The following FUT8 variants were observed in gnomAD, a reference collection of about 807,000 sequenced individuals.
The protein encoded by FUT8 is alpha-(1,6)-fucosyltransferase.
In FUT8, 29 loss-of-function variants were observed where a neutral mutation model predicts 71.3. The observed-to-expected ratio is 0.41, with a 90% CI of 0.30 to 0.55. FUT8 has a LOEUF of 0.55. Among genes scored for constraint, FUT8 ranks in the 20% least tolerant of loss-of-function variants. The pLI is 0.34. For synonymous variants in FUT8, 254 were observed against 239.3 expected (o/e 1.06, Z -0.57); for missense variants, 544 against 702.1 (o/e 0.77, Z 2.55).
At chr14:65,476,028 A>G (rs1380243768) in intron 2 of FUT8, among the ~76,000 whole-genome samples, 1 of 152,132 alleles carries the variant, frequency 6.6e-6, no homozygotes, top group Non-Finnish European at 1.5e-5. Flanking sequence ...CTTAGAACCC[A>G]GCAATACTTG....
chr14:65,575,031 C>T (rs918831320), intron 3 of FUT8, among the ~76,000 whole-genome samples: 7 of 151,976 alleles, frequency 4.6e-5, no homozygotes, highest in South Asian at 2.1e-4. Context: ...TTTTCTAATT[C>T]GTATAAAGCG....
At chr14:65,415,369 A>G (rs1445501975) in intron 1 of FUT8, among the ~76,000 whole-genome samples, 1 of 152,208 alleles carries the variant, frequency 6.6e-6, no homozygotes, top group Non-Finnish European at 1.5e-5. Flanking sequence ...TTAGTTTAAA[A>G]AAGTCTTTTC....
chr14:65,588,100 T>G (rs1340725396), intron 3 of FUT8, among the ~76,000 whole-genome samples: 1 of 151,702 alleles, frequency 6.6e-6, no homozygotes, highest in Non-Finnish European at 1.5e-5. Flanking sequence ...ATTTTAGAGT[T>G]TAAGAAAACT....
At chr14:65,463,442 A>T (rs1566762870) in intron 2 of FUT8, among the ~76,000 whole-genome samples, 1 of 151,696 alleles carries the variant, frequency 6.6e-6, no homozygotes, top group African/African-American at 2.4e-5. Flanking sequence ...AATTTTTTGC[A>T]TTTTTTGTAG....
At chr14:65,735,754 T>C (rs1397546372) in intron 10 of FUT8, among the ~76,000 whole-genome samples, 1 of 152,120 alleles carries the variant, frequency 6.6e-6, no homozygotes. Context: ...AATTGTAGAG[T>C]AATTCCATAT....
intron 1 of FUT8, among the ~76,000 whole-genome samples, chr14:65,437,703 T>C (rs1555360803): frequency 6.6e-6 from 1 of 152,220 alleles, no homozygotes; most frequent in Non-Finnish European, 1.5e-5. Context: ...AATTTCTTAA[T>C]GTTTTTTTGT....
At chr14:65,590,639 A>G (rs1887637950) in intron 3 of FUT8, among the ~76,000 whole-genome samples, 1 of 152,216 alleles carries the variant, frequency 6.6e-6, no homozygotes, top group South Asian at 2.1e-4. Context: ...GAATCACAAT[A>G]TAGGGTAATT....
chr14:65,534,119 CT>C (rs369058150), intron 2 of FUT8, among the ~76,000 whole-genome samples: 4 of 150,254 alleles, frequency 2.7e-5, no homozygotes, highest in African/African-American at 4.9e-5. Flanking sequence ...AACAAAGGTA[CT>C]TTTTTTTTGT....
At chr14:65,410,232 G>A (rs955128568), upstream of FUT8, among the ~76,000 whole-genome samples, 4 of 152,196 alleles carry the variant, frequency 2.6e-5, no homozygotes, top group African/African-American at 9.7e-5. Context: ...ACACTGAGAA[G>A]AGGCAGGGTA....
chr14:65,520,488 A>G (rs1158705475), intron 2 of FUT8, among the ~76,000 whole-genome samples: 2 of 152,134 alleles, frequency 1.3e-5, no homozygotes, highest in Non-Finnish European at 2.9e-5. Context: ...ATTACTACCT[A>G]TTTTCTTAAT....
chr14:65,371,751 A>G, the FUT8 span, among the ~76,000 whole-genome samples: 1 of 152,116 alleles, frequency 6.6e-6, no homozygotes, highest in Non-Finnish European at 1.5e-5. Context: ...TTCCAGGCTT[A>G]TTTTGTACTT....
intron 2 of FUT8, among the ~76,000 whole-genome samples, chr14:65,542,082 G>A (rs949952632): frequency 6.6e-6 from 1 of 152,192 alleles, no homozygotes; most frequent in African/African-American, 2.4e-5. Context: ...CGTCGTAAGG[G>A]TATTGAGAGG....
Position 65,744,025 on chromosome 14 carries a change from A to G in FUT8, c.*1615A>G, listed in dbSNP as rs1896622176. On this transcript the variant is annotated 3_prime_UTR_variant, in exon 11 of 11. Coordinates refer to ENST00000673929, the MANE Select transcript of FUT8 (RefSeq NM_001371533.1). ...AAACTTAACTAAATTCTTTTTCTCA[A>G]GTCAAGCCTCCCAAAGAAAAAAGAA... 1 of 151,914 alleles carries G rather than the reference A, an allele frequency of 6.6e-6. No homozygotes were observed. The highest frequency in any genetic ancestry group is 2.4e-5 in the African/African-American group (1 of 41,414). The allele number at this position is 151,914 out of a possible 1,614,324, so 9.4% of individuals were successfully genotyped here.
At chr14:65,659,991 G>A (rs1371107997) in intron 6 of FUT8, among the ~76,000 whole-genome samples, 1 of 152,130 alleles carries the variant, frequency 6.6e-6, no homozygotes, top group Non-Finnish European at 1.5e-5. Flanking sequence ...AGGTGCTTGA[G>A]AAGATACATT....
intron 2 of FUT8, among the ~76,000 whole-genome samples, chr14:65,497,437 C>T (rs945000276): frequency 1.4e-4 from 22 of 151,948 alleles, no homozygotes; most frequent in Non-Finnish European, 3.1e-4. Context: ...GAGCCCAGAC[C>T]CTGCAGTTTT....
intron 6 of FUT8, among the ~76,000 whole-genome samples, chr14:65,632,911 A>T (rs1566864239): frequency 6.6e-6 from 1 of 150,592 alleles, no homozygotes; most frequent in African/African-American, 2.5e-5. Context: ...AGAGATGAGG[A>T]TTCAGTTTCA....
At chr14:65,737,099 C>T (rs1171747742) in intron 10 of FUT8, among the ~76,000 whole-genome samples, 4 of 152,180 alleles carry the variant, frequency 2.6e-5, no homozygotes, top group Admixed American at 1.3e-4. Flanking sequence ...CGGGATTTCT[C>T]ATAAATTTTT....
intron 1 of FUT8, among the ~76,000 whole-genome samples, chr14:65,450,641 T>G (rs76594196): frequency 6.6e-6 from 1 of 152,210 alleles, no homozygotes; most frequent in South Asian, 2.1e-4. Context: ...TCTTTCAGTT[T>G]GTATCTTTTC....
At chr14:65,446,944 C>T (rs1205952516) in intron 1 of FUT8, among the ~76,000 whole-genome samples, 1 of 152,160 alleles carries the variant, frequency 6.6e-6, no homozygotes, top group Non-Finnish European at 1.5e-5. Context: ...ACTGGGACTA[C>T]AGGCACGTAC....
Sources: gnomAD v4.1 joint callset for allele counts (sites outside exome capture counted in the v4.1 genomes callset) on GRCh38, gnomAD v4.1.1 for gene constraint, MANE v1.5 for transcripts, NCBI Gene and HGNC (gene_info 2026-07-23, HGNC 2026-07-21) for gene names.